ITGA8: variants seen among roughly 807,000 people sequenced by gnomAD.
ITGA8 encodes the protein integrin subunit alpha 8.
In ITGA8, 91 loss-of-function variants were observed where a neutral mutation model predicts 142.3. The ratio of observed to expected loss-of-function variants is 0.64; its 90% CI spans 0.54 to 0.76. ITGA8 has a LOEUF of 0.76. Ranked by LOEUF, ITGA8 falls within the 30% of genes least tolerant of loss-of-function variation. The probability of loss-of-function intolerance (pLI) is 0.00; values close to 1 mark genes in which losing one functional copy is unlikely to be tolerated. For missense variants in ITGA8, 1,406 were observed against 1,327.7 expected, an observed-to-expected ratio of 1.06 and a Z score of -0.92; for synonymous variants, 505 against 485.2, an observed-to-expected ratio of 1.04 and a Z score of -0.54.
chr10:15,669,469 C>T (rs1373975933), intron 8 of ITGA8, among the ~76,000 whole-genome samples: 1 of 152,122 alleles, frequency 6.6e-6, no homozygotes, highest in Non-Finnish European at 1.5e-5. Flanking sequence ...TTCGAATTTC[C>T]TCCTGTAGCT....
At chr10:15,704,698 A>G (rs1179460020) in intron 2 of ITGA8, among the ~76,000 whole-genome samples, 2 of 152,110 alleles carry the variant, frequency 1.3e-5, no homozygotes, top group Non-Finnish European at 2.9e-5. Flanking sequence ...TTAGTACCCA[A>G]TCATTTATTT....
intron 20 of ITGA8, among the ~76,000 whole-genome samples, chr10:15,600,114 T>A (rs942582887): frequency 2.0e-5 from 3 of 152,240 alleles, no homozygotes; most frequent in Admixed American, 6.5e-5. Context: ...CATTCTTTTT[T>A]AAAATTACTA....
At position 15,607,773 on chromosome 10, in the gene ITGA8, C is replaced by T. The variant is rs748890510; in HGVS notation, c.1668G>A (p.Thr556=). ...SLKQKGAIKR[T]LFLDNHQAHR... is the part of the protein sequence containing the mutation. ...GAGCCTGATGGTTATCAAGGAAGAGCGTCCGTTTAATAGCTCCTTTCTGTT... is the reference window on the plus strand; with the variant it reads ...GAGCCTGATGGTTATCAAGGAAGAGTGTCCGTTTAATAGCTCCTTTCTGTT... The change falls in exon 17 of 30, where the codon ACG becomes ACA. Residue 556 remains threonine (T), a synonymous_variant. Transcript: ENST00000378076. 2.4e-5 allele frequency: 39 copies of T among 1,613,128 alleles called. No homozygotes were observed. The East Asian group carries it at 3.1e-4, about 13-fold the overall frequency.
intron 2 of ITGA8, among the ~76,000 whole-genome samples, chr10:15,701,068 T>C (rs1293774780): frequency 6.6e-6 from 1 of 152,248 alleles, no homozygotes; most frequent in African/African-American, 2.4e-5. Context: ...GTTTGATGAA[T>C]GAATAACCAA....
chr10:15,600,362 C>G (rs1287766964), intron 20 of ITGA8, among the ~76,000 whole-genome samples: 1 of 152,126 alleles, frequency 6.6e-6, no homozygotes, highest in Non-Finnish European at 1.5e-5. Context: ...TATTATTAAG[C>G]CTCAATTTTT....
chr10:15,705,520 A>G (rs1276304913), intron 2 of ITGA8, among the ~76,000 whole-genome samples: 2 of 152,172 alleles, frequency 1.3e-5, no homozygotes, highest in Non-Finnish European at 2.9e-5. Flanking sequence ...CTCCACTCAG[A>G]AATTGGTTCC....
At chr10:15,671,697 A>G (rs1834523502) in intron 7 of ITGA8, 50 bp from the exon 8 acceptor site, 1 of 1,423,614 alleles carries the variant, frequency 7.0e-7, no homozygotes, top group Admixed American at 1.7e-5. Context: ...GACTTAACCT[A>G]ATGAGTTATA....
intron 22 of ITGA8, among the ~76,000 whole-genome samples, chr10:15,586,902 A>C (rs773946235): frequency 5.3e-5 from 8 of 152,154 alleles, no homozygotes; most frequent in Non-Finnish European, 8.8e-5. Flanking sequence ...CTGGAAATAC[A>C]ATAGATATCT....
At chr10:15,608,419 ACACACC>A in intron 15 of ITGA8, 129 bp from the exon 16 acceptor site, 3 of 563,728 alleles carry the variant, frequency 5.3e-6, no homozygotes, top group East Asian at 3.1e-5. Context: ...ACACACACAC[ACACACC>A]CACACACACA....
chr10:15,697,839 A>G (rs181597032), intron 2 of ITGA8, among the ~76,000 whole-genome samples: 15 of 152,340 alleles, frequency 9.8e-5, no homozygotes, highest in Middle Eastern at 3.4e-3. Flanking sequence ...TAGTTTGCCG[A>G]CAGTTGATAG....
chr10:15,558,292 T>A (rs917511443), intron 25 of ITGA8, 90 bp from the exon 26 acceptor site: 4 of 1,480,664 alleles, frequency 2.7e-6, no homozygotes, highest in African/African-American at 1.4e-5. Flanking sequence ...AATTTTTTTT[T>A]CTCAGTGGAA....
intron 13 of ITGA8, among the ~76,000 whole-genome samples, chr10:15,637,418 G>C (rs910921901): frequency 4.6e-5 from 7 of 151,766 alleles, no homozygotes; most frequent in Non-Finnish European, 5.9e-5. Context: ...GTAAATCACT[G>C]TTCAATTGTT....
intron 8 of ITGA8, 51 bp from the exon 9 acceptor site, chr10:15,660,973 ACACACACACACG>A: frequency 7.1e-7 from 1 of 1,403,948 alleles, no homozygotes; most frequent in East Asian, 2.3e-5. Flanking sequence ...ACACACAAAC[ACACACACACACG>A]CCATATACTA....
chr10:15,634,643 A>T (rs1833740166), intron 13 of ITGA8, among the ~76,000 whole-genome samples: 1 of 152,218 alleles, frequency 6.6e-6, no homozygotes, highest in East Asian at 1.9e-4. Context: ...TATGGATAAC[A>T]ATCTCTTGAA....
chr10:15,617,800 A>G (rs1021875864), intron 13 of ITGA8, among the ~76,000 whole-genome samples: 1 of 152,256 alleles, frequency 6.6e-6, no homozygotes, highest in Non-Finnish European at 1.5e-5. Context: ...TTTAGATGTA[A>G]GAAAACTGGA....
intron 26 of ITGA8, among the ~76,000 whole-genome samples, chr10:15,556,964 A>G (rs1833898847): frequency 1.3e-5 from 2 of 152,236 alleles, no homozygotes; most frequent in African/African-American, 4.8e-5. Flanking sequence ...TACAGAGCAC[A>G]GATAAACCCT....
At chr10:15,563,927 A>AC (rs35981482) in intron 25 of ITGA8, among the ~76,000 whole-genome samples, 57,781 of 151,474 alleles carry the variant, frequency 0.38, 11,488 homozygotes, top group African/African-American at 0.48. Context: ...CCAAAAAAAA[A>AC]AAAAACAAAA....
At chr10:15,665,298 G>A (rs1834366934) in intron 8 of ITGA8, among the ~76,000 whole-genome samples, 1 of 152,042 alleles carries the variant, frequency 6.6e-6, no homozygotes, top group Non-Finnish European at 1.5e-5. Context: ...GTGTTTTTTG[G>A]CTGCATAAAT....
chr10:15,597,322 GT>G (rs759482217), intron 20 of ITGA8, 23 bp from the exon 21 acceptor site: 1 of 1,585,130 alleles, frequency 6.3e-7, no homozygotes, highest in South Asian at 1.1e-5. Context: ...AGAACAGGGG[GT>G]TTAGGGGGCA....
Sources: gnomAD v4.1 joint callset for allele counts (sites outside exome capture counted in the v4.1 genomes callset) on GRCh38, gnomAD v4.1.1 for gene constraint, MANE v1.5 for transcripts, NCBI Gene and HGNC (gene_info 2026-07-23, HGNC 2026-07-21) for gene names.